Variants in KIF1C observed in about 807,000 individuals in gnomAD.
The protein encoded by KIF1C is kinesin family member 1C.
KIF1C carries 61 observed loss-of-function variants against 126.5 expected under a neutral mutation model. The observed-to-expected ratio is 0.48, with a 90% CI of 0.39 to 0.60. The LOEUF (loss-of-function observed/expected upper bound fraction) is 0.60, where lower values mean the gene tolerates loss of function less well. Ranked by LOEUF, KIF1C falls within the 20% of genes least tolerant of loss-of-function variation. The pLI is 0.00. For missense variants in KIF1C, 1,315 were observed against 1,489.2 expected, an observed-to-expected ratio of 0.88 and a Z score of 1.93; for synonymous variants, 640 against 580.6, an observed-to-expected ratio of 1.10 and a Z score of -1.47.
intron 18 of KIF1C, among the ~76,000 whole-genome samples, chr17:5,015,488 T>C (rs1282379935): frequency 6.6e-6 from 1 of 151,814 alleles, no homozygotes; most frequent in Non-Finnish European, 1.5e-5. Flanking sequence ...TCTCCCATGT[T>C]GGTCAGGCTG....
Position 5,005,020 on chromosome 17 carries a change from G to C in KIF1C, c.1165+20G>C. The C allele has an allele frequency of 6.2e-7, 1 of 1,614,060 alleles. No homozygotes were observed. The highest frequency in any genetic ancestry group is 8.5e-7 in the Non-Finnish European group (1 of 1,179,982). On this transcript the variant is annotated intron_variant, in intron 13 of 22. Transcript: ENST00000320785. ...TGGAAGGTCGAGGTTCCAGGGAGGG[G>C]CAGCTCAGGGATGCCCCTTGGCCCA...
At chr17:5,009,488 T>G (rs900131963) in intron 16 of KIF1C, among the ~76,000 whole-genome samples, 1 of 151,704 alleles carries the variant, frequency 6.6e-6, no homozygotes, top group African/African-American at 2.4e-5. Context: ...CATTATGGGT[T>G]CTTACTATAT....
In KIF1C at chr17:5,024,802, T is replaced by G. The variant is rs1975178862; in HGVS notation, c.*651T>G. ...ACTTATCAGTGAAGTATTGTATGTGTGCTCTGTGCAGGCACCACCCAGATC... is the reference window on the plus strand; with the variant it reads ...ACTTATCAGTGAAGTATTGTATGTGGGCTCTGTGCAGGCACCACCCAGATC... On this transcript the variant is annotated 3_prime_UTR_variant, in exon 23 of 23. Coordinates refer to ENST00000320785, the MANE Select transcript of KIF1C (RefSeq NM_006612.6). 1 of 152,706 alleles carries G rather than the reference T, an allele frequency of 6.5e-6. No individual in the cohort carries two copies. The highest frequency in any genetic ancestry group is 2.1e-4 in the South Asian group (1 of 4,828). 9.5% of individuals were successfully genotyped at this position (152,706 alleles called of 1,614,324 possible).
Position 5,023,615 on chromosome 17 carries a change from CGG to C in KIF1C, c.2777_2778del (p.Arg926ProfsTer81). On this transcript the variant is annotated frameshift_variant, in exon 23 of 23. Coordinates refer to ENST00000320785, the MANE Select transcript of KIF1C (RefSeq NM_006612.6). LOFTEE classifies it high-confidence loss of function. The surrounding 1 kb of genome is among the most constrained non-coding windows in gnomAD (Gnocchi z 4.2). ...PPLSSWERVS[R>X]LMEEDPAFRR... ...ACTGTCAAGCTGGGAGCGGGTGTCA[CGG>C]CTCATGGAGGAGGACCCTGCCTTCC... The C allele has an allele frequency of 6.2e-7, 1 of 1,613,652 alleles. No homozygotes were observed. The highest frequency in any genetic ancestry group is 1.7e-5 in the Admixed American group (1 of 59,998).
chr17:5,021,954 C>T (rs767752995), intron 21 of KIF1C, 138 bp from the exon 22 acceptor site: 251 of 902,220 alleles, frequency 2.8e-4, no homozygotes, highest in Middle Eastern at 6.9e-4. Flanking sequence ...CCCAAGGGTG[C>T]GCTGTTGGGG....
chr17:5,024,797 A>T lies in KIF1C; in HGVS notation c.*646A>T, dbSNP rs1220075187. 1 of 152,566 alleles carries T rather than the reference A, an allele frequency of 6.6e-6. No homozygotes were observed. The highest frequency in any genetic ancestry group is 1.5e-5 in the Non-Finnish European group (1 of 68,102). The allele number at this position is 152,566 out of a possible 1,614,324, so 9.5% of individuals were successfully genotyped here. On this transcript the variant is annotated 3_prime_UTR_variant, in exon 23 of 23. Transcript: ENST00000320785. ...AGCATACTTATCAGTGAAGTATTGT[A>T]TGTGTGCTCTGTGCAGGCACCACCC...
rs370633410 is a variant in KIF1C, at chr17:5,020,904, G to A, written c.2010+26G>A. The stretch of plus-strand genomic sequence containing the variant: ...GTGAGGGGCAGCAGGGGCTGGGGAT[G>A]GGCTGATGGGCAGATGAGCCGCAAG... On this transcript the variant is annotated intron_variant, in intron 21 of 22. Transcript: ENST00000320785. This position sits in a 1 kb window ranked among gnomAD's most constrained non-coding sequence, Gnocchi z 5.8. The A allele has an allele frequency of 1.2e-5, 19 of 1,555,026 alleles. No homozygotes were observed. The South Asian group carries it at 2.2e-4, about 18-fold the overall frequency.
chr17:5,008,703 G>T (rs992147176), intron 16 of KIF1C, among the ~76,000 whole-genome samples: 1 of 152,258 alleles, frequency 6.6e-6, no homozygotes, highest in African/African-American at 2.4e-5. Flanking sequence ...GCTGTGGGCG[G>T]TAGGCCAGGC....
chr17:5,017,090 C>G (rs1209460929), intron 18 of KIF1C, among the ~76,000 whole-genome samples: 2 of 152,036 alleles, frequency 1.3e-5, no homozygotes, highest in Non-Finnish European at 2.9e-5. Flanking sequence ...GCGGCAACCT[C>G]AAGCCATTTG....
chr17:4,999,966 G>A lies in KIF1C; in HGVS notation c.-32G>A, dbSNP rs1015809544. The A allele has an allele frequency of 4.3e-5, 19 of 439,768 alleles. No individual in the cohort carries two copies. Among genetic ancestry groups the A allele is most frequent in the Admixed American group, 7.5e-5 (2 of 26,612 alleles). 27.2% of individuals were successfully genotyped at this position (439,768 alleles called of 1,614,324 possible). ...AGCCCCCCTGGTCTGGGGCCAGGAC[G>A]CCAGGTAACTGGGGGAGACCGCCCA... On this transcript the variant is annotated 5_prime_UTR_variant, in exon 2 of 23. Coordinates refer to ENST00000320785, the MANE Select transcript of KIF1C (RefSeq NM_006612.6).
chr17:5,002,807 T>G lies in KIF1C; in HGVS notation c.685T>G (p.Cys229Gly), dbSNP rs370106692. 1 of 1,612,722 alleles carries G rather than the reference T, an allele frequency of 6.2e-7. No individual in the cohort carries two copies. Among genetic ancestry groups the G allele is most frequent in the African/African-American group, 1.3e-5 (1 of 74,884 alleles). ...AVFTIVFTQR[C>G]HDQLTGLDSE... Reference sequence around the variant, plus strand: ...CTTTACCATCGTCTTCACACAGCGCTGCCATGACCAGCTCACGGGGCTGGA... The same window carrying G: ...CTTTACCATCGTCTTCACACAGCGCGGCCATGACCAGCTCACGGGGCTGGA... Residue 229 changes from cysteine (C) to glycine (G), a missense_variant, in exon 8 of 23, where the codon TGC becomes GGC. By Grantham distance (159) the Cys-to-Gly change is radical. Transcript: ENST00000320785.
chr17:5,015,031 C>G lies in KIF1C; in HGVS notation c.1666+194C>G, dbSNP rs1044631190. On this transcript the variant is annotated intron_variant, in intron 18 of 22. Transcript: ENST00000320785. Reference sequence around the variant, plus strand: ...ATACCACAGGCCCAGCCCTCTGCACCCACCCTGAGAAGACAGACTACTGTG... The same window carrying G: ...ATACCACAGGCCCAGCCCTCTGCACGCACCCTGAGAAGACAGACTACTGTG... Among the ~76,000 whole-genome samples, 2 of 152,144 alleles carry G rather than the reference C, an allele frequency of 1.3e-5. 1 individual carries two copies. The highest frequency in any genetic ancestry group is 3.9e-4 in the East Asian group (2 of 5,188).
intron 9 of KIF1C, 59 bp downstream of exon 9, chr17:5,003,748 G>A (rs1490566285): frequency 1.9e-6 from 3 of 1,559,966 alleles, no homozygotes; most frequent in African/African-American, 2.7e-5. Flanking sequence ...GTATGTGGAG[G>A]TCTCCAGTCG....
At chr17:4,998,607 A>G (rs945315554) in intron 1 of KIF1C, among the ~76,000 whole-genome samples, 8 of 151,854 alleles carry the variant, frequency 5.3e-5, no homozygotes, top group African/African-American at 1.9e-4. Flanking sequence ...GCTTGTCCCC[A>G]CCAGTGTCCT....
intron 16 of KIF1C, among the ~76,000 whole-genome samples, chr17:5,013,364 C>T (rs1385974666): frequency 6.6e-6 from 1 of 152,048 alleles, no homozygotes; most frequent in Non-Finnish European, 1.5e-5. Flanking sequence ...GGGTTGCTGA[C>T]CTGGATGCAG....
rs368242295 is a variant in KIF1C at position 5,000,209 on chromosome 17, C to T, written c.-27-11C>T. On this transcript the variant is annotated splice_polypyrimidine_tract_variant and intron_variant, in intron 2 of 22. Transcript: ENST00000320785. ...GGTTCTGACCCCACCACTCCTTTCT[C>T]TGTCCTCCAGCTGAGGAGGGCAGGA... The T allele has an allele frequency of 1.4e-6, 2 of 1,456,912 alleles. No homozygotes were observed. Among genetic ancestry groups the T allele is most frequent in the East Asian group, 2.5e-5 (1 of 40,534 alleles). The allele number at this position is 1,456,912 out of a possible 1,614,324, so 90.2% of individuals were successfully genotyped here.
Position 5,023,827 on chromosome 17 carries a change from C to T in KIF1C, c.2988C>T (p.Ser996=), listed in dbSNP as rs771388963. 1.4e-5 allele frequency: 22 copies of T among 1,517,964 alleles called. No individual in the cohort carries two copies. The East Asian group carries it at 2.7e-4, about 19-fold the overall frequency. 94.0% of individuals were successfully genotyped at this position (1,517,964 alleles called of 1,614,324 possible). The change falls in exon 23 of 23, where the codon AGC becomes AGT. Residue 996 remains serine, a synonymous_variant. Coordinates refer to ENST00000320785, the MANE Select transcript of KIF1C (RefSeq NM_006612.6). The surrounding 1 kb of genome is among the most constrained non-coding windows in gnomAD (Gnocchi z 4.2). Reference sequence around the variant, plus strand: ...GGGAGTCTTGGCCAGGGATGGGGAGCGGGGAGGCTCCAACTCCGCTCCAAC... The same window carrying T: ...GGGAGTCTTGGCCAGGGATGGGGAGTGGGGAGGCTCCAACTCCGCTCCAAC... ...QHRESWPGMG[S]GEAPTPLQPP...
intron 18 of KIF1C, among the ~76,000 whole-genome samples, chr17:5,018,317 T>C (rs1224105965): frequency 6.6e-6 from 1 of 151,392 alleles, no homozygotes; most frequent in Non-Finnish European, 1.5e-5. Context: ...TTATCTGCTT[T>C]TAAAAATATT....
Position 5,023,984 on chromosome 17 carries a change from G to A in KIF1C, c.3145G>A (p.Glu1049Lys), listed in dbSNP as rs1975152253. ...RSRGAGSAQP[E>K]PQHFQPKKHN... ...CCGGGGAGCGGGTTCTGCACAGCCTGAACCCCAGCACTTCCAGCCCAAAAA... is the reference window on the plus strand; with the variant it reads ...CCGGGGAGCGGGTTCTGCACAGCCTAAACCCCAGCACTTCCAGCCCAAAAA... The change falls in exon 23 of 23, where the codon GAA becomes AAA. Residue 1049 changes from glutamate to lysine, a missense_variant. Coordinates refer to ENST00000320785, the MANE Select transcript of KIF1C (RefSeq NM_006612.6). The surrounding 1 kb of genome is among the most constrained non-coding windows in gnomAD (Gnocchi z 4.2). 1.9e-6 allele frequency: 3 copies of A among 1,597,410 alleles called. No individual in the cohort carries two copies. The highest frequency in any genetic ancestry group is 2.6e-6 in the Non-Finnish European group (3 of 1,171,418).
Sources: gnomAD v4.1 joint callset for allele counts (sites outside exome capture counted in the v4.1 genomes callset) on GRCh38, gnomAD v4.1.1 for gene constraint, Gnocchi (gnomAD v3.1) non-coding constraint, MANE v1.5 for transcripts, NCBI Gene and HGNC (gene_info 2026-07-23, HGNC 2026-07-21) for gene names.